Variants in PGLYRP2 observed in about 807,000 individuals in gnomAD.
PGLYRP2 encodes peptidoglycan recognition protein 2, also known as N-acetylmuramoyl-L-alanine amidase.
Under a neutral mutation model 46.2 loss-of-function variants are expected in PGLYRP2, and 38 were observed. The observed-to-expected ratio is 0.82, with a 90% CI of 0.64 to 1.08. PGLYRP2 has a LOEUF of 1.08. PGLYRP2 is among the 50% of genes least tolerant of loss of function. PGLYRP2 has a pLI of 0.00. For missense variants in PGLYRP2, 713 were observed against 755.9 expected (o/e 0.94, Z 0.67); for synonymous variants, 289 against 329.4 (o/e 0.88, Z 1.33).
In PGLYRP2 at chr19:15,476,267, G is replaced by C; in HGVS notation, c.403C>G (p.Arg135Gly). The C allele has an allele frequency of 6.2e-7, 1 of 1,614,126 alleles. No homozygotes were observed. The highest frequency in any genetic ancestry group is 8.5e-7 in the Non-Finnish European group (1 of 1,180,024). The part of the protein sequence containing the change: ...LAGLEAGLQG[R>G]RVINLPLDSM... ...TCCAAGGGCAAATTTATGACCCTGC[G>C]CCCTTGCAGCCCTGCCTCCAGCCCC... The change falls in exon 2 of 5, where the codon CGC becomes GGC. Residue 135 changes from arginine (R) to glycine (G), a missense_variant. Arg to Gly is a moderately radical substitution (Grantham distance 125). Transcript: ENST00000340880.
Position 15,475,845 on chromosome 19 carries a change from G to T in PGLYRP2, c.825C>A (p.Gly275=). 6.2e-7 allele frequency: 1 copy of T among 1,614,060 alleles called. No individual in the cohort carries two copies. Among genetic ancestry groups the T allele is most frequent in the Non-Finnish European group, 8.5e-7 (1 of 1,180,024 alleles). ...CTCCAAGGATGACCCCATCCAGGGC[G>T]CCATTGAGGAAGGCCATGGTTAACA... ...ASLLTMAFLN[G]ALDGVILGDY... Residue 275 remains glycine, a synonymous_variant, in exon 2 of 5, where the codon GGC becomes GGA. Coordinates refer to ENST00000340880, the MANE Select transcript of PGLYRP2 (RefSeq NM_052890.4).
chr19:15,474,004 A>G (rs1028662234), intron 2 of PGLYRP2, among the ~76,000 whole-genome samples: 5 of 152,182 alleles, frequency 3.3e-5, no homozygotes, highest in Non-Finnish European at 5.9e-5. Flanking sequence ...TAAAACCACA[A>G]TGAGATATCA....
chr19:15,473,045 C>G (rs141650450), intron 2 of PGLYRP2, among the ~76,000 whole-genome samples: 4 of 152,192 alleles, frequency 2.6e-5, no homozygotes, highest in Admixed American at 6.5e-5. Context: ...CAATAATTTT[C>G]AACTAAGTCG....
chr19:15,471,500 C>T (rs935450836), intron 3 of PGLYRP2, among the ~76,000 whole-genome samples: 1 of 151,918 alleles, frequency 6.6e-6, no homozygotes, highest in Non-Finnish European at 1.5e-5. Flanking sequence ...CTCCTGGGCT[C>T]CAGCGATCCT....
At chr19:15,478,229 C>A (rs1322139786) in intron 1 of PGLYRP2, among the ~76,000 whole-genome samples, 1 of 152,118 alleles carries the variant, frequency 6.6e-6, no homozygotes, top group African/African-American at 2.4e-5. Flanking sequence ...CACCTGTAAT[C>A]CCAGCTACTT....
chr19:15,470,574 T>G (rs1012417151), intron 3 of PGLYRP2, among the ~76,000 whole-genome samples: 1 of 151,822 alleles, frequency 6.6e-6, no homozygotes, highest in African/African-American at 2.4e-5. Context: ...CCCAAAGTGC[T>G]GGGATTACAG....
At chr19:15,470,065 C>T in intron 3 of PGLYRP2, 136 bp from the exon 4 acceptor site, 1 of 917,300 alleles carries the variant, frequency 1.1e-6, no homozygotes, top group East Asian at 3.3e-5. Flanking sequence ...GCCTGTGTCC[C>T]ATCCAGCTCT....
chr19:15,471,873 G>T lies in PGLYRP2; in HGVS notation c.1343+17C>A. 4 of 1,552,142 alleles carry T rather than the reference G, an allele frequency of 2.6e-6. No homozygotes were observed. Among genetic ancestry groups the T allele is most frequent in the South Asian group, 2.2e-5 (2 of 88,988 alleles). On this transcript the variant is annotated intron_variant, in intron 3 of 4. Coordinates refer to ENST00000340880, the MANE Select transcript of PGLYRP2 (RefSeq NM_052890.4). ...CGAACGTGGGCCCCGCCCCCTCCCC[G>T]GTCGGGCCCCTCCTACCTGTAGCCG...
rs1319183537 is a variant in PGLYRP2 at position 15,472,068 on chromosome 19, C to G, written c.1165G>C (p.Gly389Arg). The G allele has an allele frequency of 9.3e-6, 15 of 1,606,492 alleles. No homozygotes were observed. The highest frequency in any genetic ancestry group is 1.2e-5 in the Non-Finnish European group (14 of 1,179,806). ...CPAIHPRCRW[G>R]AAPYRGRPKL... ...GGGCGGCCCCGATAAGGCGCCGCTC[C>G]CCAGCGGCAGCGGGGGTGGATGGCC... The change falls in exon 3 of 5, where the codon GGA becomes CGA. Residue 389 changes from glycine to arginine, a missense_variant. Coordinates refer to ENST00000340880, the MANE Select transcript of PGLYRP2 (RefSeq NM_052890.4).
intron 1 of PGLYRP2, 72 bp downstream of exon 1, chr19:15,479,239 C>T: frequency 6.6e-7 from 1 of 1,513,118 alleles, no homozygotes; most frequent in Non-Finnish European, 9.2e-7. Flanking sequence ...CAGGGCAAGA[C>T]ATAGATGGGA....
intron 2 of PGLYRP2, among the ~76,000 whole-genome samples, chr19:15,474,044 A>G (rs1434037796): frequency 6.6e-6 from 1 of 152,166 alleles, no homozygotes; most frequent in African/African-American, 2.4e-5. Context: ...GCTATTATTA[A>G]AAAGACAGAA....
At chr19:15,472,195 C>T (rs1970757098) in intron 2 of PGLYRP2, 95 bp from the exon 3 acceptor site, 1 of 1,073,892 alleles carries the variant, frequency 9.3e-7, no homozygotes, top group Non-Finnish European at 1.3e-6. Flanking sequence ...ATCCCTCAGC[C>T]TCCTCTCAGA....
At chr19:15,468,983 T>A (rs1312917386) in intron 4 of PGLYRP2, 1 of 502,630 alleles carries the variant, frequency 2.0e-6, no homozygotes, top group African/African-American at 1.9e-5. Context: ...AAAATTGTTT[T>A]AGTGATGGCG....
In PGLYRP2 at chr19:15,469,752, C is replaced by T; in HGVS notation, c.1521G>A (p.Ala507=). The T allele has an allele frequency of 2.0e-6, 3 of 1,494,050 alleles. No homozygotes were observed. Among genetic ancestry groups the T allele is most frequent in the East Asian group, 5.0e-5 (2 of 40,302 alleles). 92.5% of individuals were successfully genotyped at this position (1,494,050 alleles called of 1,614,324 possible). ...CTGGCCGCAGGAGGCCGGCGCGCAC[C>T]GCACAACTCGGGAGCGTGTCGCGCA... ...RTVRDTLPSC[A]VRAGLLRPDY... Residue 507 remains alanine, a synonymous_variant, in exon 4 of 5, where the codon GCG becomes GCA. Coordinates refer to ENST00000340880, the MANE Select transcript of PGLYRP2 (RefSeq NM_052890.4). This position sits in a 1 kb window ranked among gnomAD's most constrained non-coding sequence, Gnocchi z 4.9.
Position 15,472,081 on chromosome 19 carries a change from G to A in PGLYRP2, c.1152C>T (p.Pro384=). 1.9e-6 allele frequency: 3 copies of A among 1,603,668 alleles called. No individual in the cohort carries two copies. Among genetic ancestry groups the A allele is most frequent in the South Asian group, 2.2e-5 (2 of 90,978 alleles). Residue 384 remains proline, a synonymous_variant, in exon 3 of 5, where the codon CCC becomes CCT. Transcript: ENST00000340880. The part of the protein sequence containing the change: ...EAFLGCPAIH[P]RCRWGAAPYR... ...AAGGCGCCGCTCCCCAGCGGCAGCG[G>A]GGGTGGATGGCCGGGCATCCTACAG... is the stretch of plus-strand genomic sequence containing the variant.
Position 15,475,956 on chromosome 19 carries a change from C to T in PGLYRP2, c.714G>A (p.Gln238=), listed in dbSNP as rs774004289. The T allele has an allele frequency of 4.3e-6, 7 of 1,614,192 alleles. No individual in the cohort carries two copies. The highest frequency in any genetic ancestry group is 5.9e-6 in the Non-Finnish European group (7 of 1,180,038). The part of the protein sequence containing the change: ...GLTFLRGSQT[Q]SHPDLGTEGC... ...CCTCAGTTCCCAGGTCTGGATGGCT[C>T]TGGGTCTGGGAACCTCGGAGGAAGG... Residue 238 remains glutamine (Q), a synonymous_variant, in exon 2 of 5, where the codon CAG becomes CAA. Transcript: ENST00000340880.
intron 4 of PGLYRP2, 49 bp from the exon 5 acceptor site, chr19:15,468,801 G>T: frequency 6.8e-7 from 1 of 1,472,774 alleles, no homozygotes; most frequent in Non-Finnish European, 9.4e-7. Context: ...TGTGGTATGT[G>T]GCTGGGTCTG....
intron 1 of PGLYRP2, among the ~76,000 whole-genome samples, 155 bp from the exon 2 acceptor site, chr19:15,476,763 C>T (rs932685991): frequency 6.7e-6 from 1 of 149,980 alleles, no homozygotes; most frequent in Non-Finnish European, 1.5e-5. Flanking sequence ...GGTACACAGA[C>T]TATTGCCTGT....
intron 2 of PGLYRP2, among the ~76,000 whole-genome samples, chr19:15,473,653 A>G (rs1255696498): frequency 1.3e-5 from 2 of 151,946 alleles, no homozygotes; most frequent in East Asian, 3.9e-4. Flanking sequence ...AAAGAAACAA[A>G]GTAGACAAAT....
Sources: allele counts gnomAD v4.1 joint callset (sites outside exome capture counted in the v4.1 genomes callset), GRCh38; gene constraint gnomAD v4.1.1; non-coding constraint Gnocchi (gnomAD v3.1); transcripts MANE v1.5; gene names NCBI Gene and HGNC (gene_info 2026-07-23, HGNC 2026-07-21).